The following CALN1 variants were observed in gnomAD, a reference collection of about 807,000 sequenced individuals.
The protein encoded by CALN1 is calneuron 1, also known as calcium-binding protein 8.
A neutral mutation model predicts 30.6 loss-of-function variants in CALN1; 17 were observed. That is an observed-to-expected ratio of 0.56 (90% CI 0.38 to 0.83). CALN1 has a LOEUF of 0.83. Among genes scored for constraint, CALN1 ranks in the 40% least tolerant of loss-of-function variants. The pLI is 0.00. For synonymous variants in CALN1, 156 were observed against 131.4 expected (o/e 1.19, Z -1.28); for missense variants, 291 against 354.9 (o/e 0.82, Z 1.45).
chr7:72,459,420 A>G, the CALN1 span, among the ~76,000 whole-genome samples: 1 of 152,132 alleles, frequency 6.6e-6, no homozygotes, highest in Admixed American at 6.6e-5. Flanking sequence ...CATTTTCCTG[A>G]CATTGCCAAA....
At chr7:72,076,047 A>G (rs1188000286) in intron 4 of CALN1, among the ~76,000 whole-genome samples, 1 of 152,126 alleles carries the variant, frequency 6.6e-6, no homozygotes, top group Non-Finnish European at 1.5e-5. Context: ...TTGAGCACCT[A>G]TGAAATGCCA....
upstream of CALN1, among the ~76,000 whole-genome samples, chr7:72,413,822 G>T (rs1447907875): frequency 2.0e-5 from 3 of 150,938 alleles, no homozygotes; most frequent in Non-Finnish European, 4.4e-5. Context: ...GCATTCACAT[G>T]CATGGCACAT....
At chr7:72,206,638 A>G in intron 3 of CALN1, among the ~76,000 whole-genome samples, 1 of 151,860 alleles carries the variant, frequency 6.6e-6, no homozygotes, top group Non-Finnish European at 1.5e-5. Flanking sequence ...TCATTGCCTA[A>G]AATCCCTTAA....
At chr7:72,185,043 G>C (rs553838080) in intron 3 of CALN1, among the ~76,000 whole-genome samples, 3 of 151,932 alleles carry the variant, frequency 2.0e-5, no homozygotes, top group Non-Finnish European at 4.4e-5. Context: ...GGGCTCAAGC[G>C]ATCATCCCAC....
In CALN1 at chr7:72,303,897, T is replaced by C. The variant is rs78244486; in HGVS notation, c.120-25087A>G. ...TCGAGAAAATAAAAAGTAAATGTTA[T>C]GGGATTGCTTGTATCATATTTGTTT... On this transcript the variant is annotated intron_variant, in intron 2 of 6. Coordinates refer to ENST00000395275, the MANE Select transcript of CALN1 (RefSeq NM_031468.4). 3.1e-3 allele frequency among the ~76,000 whole-genome samples: 477 copies of C among 152,302 alleles called. 1 individual carries two copies. Among genetic ancestry groups the C allele is most frequent in the Middle Eastern group, 6.8e-3 (2 of 294 alleles).
chr7:72,290,046 C>T (rs1187705735), intron 2 of CALN1, among the ~76,000 whole-genome samples: 1 of 127,936 alleles, frequency 7.8e-6, no homozygotes, highest in Non-Finnish European at 1.6e-5. Flanking sequence ...CCCCTGTACT[C>T]CAGCCTGGGT....
intron 5 of CALN1, among the ~76,000 whole-genome samples, chr7:71,961,096 C>A (rs1797228087): frequency 6.6e-6 from 1 of 152,216 alleles, no homozygotes; most frequent in South Asian, 2.1e-4. Flanking sequence ...GAATTACAGG[C>A]ATGAGCCACT....
the CALN1 span, among the ~76,000 whole-genome samples, chr7:72,474,362 A>C: frequency 2.0e-5 from 3 of 152,248 alleles, no homozygotes; most frequent in Admixed American, 2.0e-4. Flanking sequence ...AGGAAATGTC[A>C]CTAAGAGATG....
intron 3 of CALN1, among the ~76,000 whole-genome samples, chr7:72,271,575 A>AAAAAAAAAATATATAT: frequency 5.8e-5 from 3 of 52,122 alleles, no homozygotes; most frequent in African/African-American, 4.0e-4. Flanking sequence ...AAAAAAAAAA[A>AAAAAAAAAATATATAT]ATATATATAT....
At chr7:71,798,065 GAGAGAGAGAGAGACAGAGAGAGAC>G (rs1383556807) in intron 6 of CALN1, among the ~76,000 whole-genome samples, 8 of 147,778 alleles carry the variant, frequency 5.4e-5, no homozygotes, top group Admixed American at 2.7e-4. Context: ...GAGAGACAGA[GAGAGAGAGAGAGACAGAGAGAGAC>G]AGAGAGAGAG....
rs529598916 is a variant in CALN1, at chr7:72,121,171, TATA to T, written c.245-14880_245-14878del. On this transcript the variant is annotated intron_variant, in intron 3 of 6. Coordinates refer to ENST00000395275, the MANE Select transcript of CALN1 (RefSeq NM_031468.4). ...TATTATATATAAAATCTATATTATA[TATA>T]ATTATATATTATGTATTATATTATA... Among the ~76,000 whole-genome samples the T allele has an allele frequency of 1.7e-3, 240 of 144,944 alleles. 2 individuals carry two copies. The highest frequency in any genetic ancestry group is 5.8e-3 in the African/African-American group (231 of 40,036).
intron 2 of CALN1, among the ~76,000 whole-genome samples, chr7:72,299,723 T>G (rs1255196411): frequency 1.4e-5 from 2 of 142,956 alleles, no homozygotes; most frequent in African/African-American, 5.2e-5. Context: ...AAAGAGAGAC[T>G]GAGGTCCTGC....
chr7:72,120,878 G>T (rs1808326556), intron 3 of CALN1, among the ~76,000 whole-genome samples: 1 of 151,960 alleles, frequency 6.6e-6, no homozygotes, highest in African/African-American at 2.4e-5. Context: ...TGGCCCAAAG[G>T]AGGTCCCCAA....
At chr7:72,368,202 T>C (rs1346515878) in intron 2 of CALN1, among the ~76,000 whole-genome samples, 2 of 151,206 alleles carry the variant, frequency 1.3e-5, no homozygotes, top group Admixed American at 6.7e-5. Flanking sequence ...TATATATGTG[T>C]GTGTATATAT....
intron 3 of CALN1, among the ~76,000 whole-genome samples, chr7:72,274,647 G>T (rs1170245875): frequency 6.6e-6 from 1 of 152,058 alleles, no homozygotes; most frequent in Admixed American, 6.5e-5. Context: ...AATAAATCTG[G>T]TATATGCATA....
chr7:72,232,378 C>A (rs888750028), intron 3 of CALN1, among the ~76,000 whole-genome samples: 1 of 152,160 alleles, frequency 6.6e-6, no homozygotes, highest in African/African-American at 2.4e-5. Context: ...TGGAGAGAAA[C>A]AAAAATCCAA....
intron 6 of CALN1, among the ~76,000 whole-genome samples, chr7:71,788,600 T>A (rs1345460084): frequency 6.6e-6 from 1 of 151,250 alleles, no homozygotes; most frequent in Non-Finnish European, 1.5e-5. Flanking sequence ...GCTCAAGCTG[T>A]CCTCCCACTT....
intron 5 of CALN1, among the ~76,000 whole-genome samples, chr7:71,903,577 T>G (rs1440134886): frequency 6.6e-6 from 1 of 152,154 alleles, no homozygotes; most frequent in Non-Finnish European, 1.5e-5. Flanking sequence ...GACTTAAATG[T>G]AAGACCCAAA....
intron 4 of CALN1, among the ~76,000 whole-genome samples, chr7:72,057,127 T>G (rs1803308806): frequency 6.6e-6 from 1 of 151,498 alleles, no homozygotes; most frequent in Admixed American, 6.6e-5. Context: ...AAAAAAAGTT[T>G]GTAGAGATGG....
Sources: allele counts gnomAD v4.1 joint callset (sites outside exome capture counted in the v4.1 genomes callset), GRCh38; gene constraint gnomAD v4.1.1; transcripts MANE v1.5; gene names NCBI Gene and HGNC (gene_info 2026-07-23, HGNC 2026-07-21).